TSHR: variants seen among roughly 807,000 people sequenced by gnomAD.
TSHR encodes the protein thyrotropin receptor.
In TSHR, 51 loss-of-function variants were observed where a neutral mutation model predicts 64.1. The ratio of observed to expected loss-of-function variants is 0.80; its 90% CI spans 0.64 to 1.01. The LOEUF is 1.01. Among genes scored for constraint, TSHR ranks in the 50% least tolerant of loss-of-function variants. The pLI, the probability that TSHR is intolerant of heterozygous loss-of-function variation, is 0.00. For synonymous variants in TSHR, 361 were observed against 361.9 expected (o/e 1.00, Z 0.03); for missense variants, 877 against 942.8 (o/e 0.93, Z 0.91).
intron 1 of TSHR, among the ~76,000 whole-genome samples, chr14:80,980,805 G>A (rs1026305845): frequency 2.6e-5 from 4 of 151,854 alleles, no homozygotes. Context: ...TTTCTAATAT[G>A]ATATCTCTCT....
At chr14:81,059,413 C>A (rs1330545870) in intron 1 of TSHR, among the ~76,000 whole-genome samples, 1 of 152,094 alleles carries the variant, frequency 6.6e-6, no homozygotes, top group Non-Finnish European at 1.5e-5. Context: ...TACACAAACT[C>A]AATTGTGTAT....
At chr14:80,997,001 A>G (rs868486994) in intron 1 of TSHR, among the ~76,000 whole-genome samples, 3 of 152,304 alleles carry the variant, frequency 2.0e-5, no homozygotes, top group Admixed American at 1.3e-4. Context: ...TACTACTACT[A>G]CTACCACCAC....
intron 1 of TSHR, among the ~76,000 whole-genome samples, chr14:80,984,797 G>C (rs1468339746): frequency 6.6e-6 from 1 of 152,158 alleles, no homozygotes; most frequent in African/African-American, 2.4e-5. Flanking sequence ...AAAATAGTAG[G>C]TGCCCCAAAC....
chr14:81,141,298 AG>A (rs984078298), intron 9 of TSHR, among the ~76,000 whole-genome samples: 1 of 152,218 alleles, frequency 6.6e-6, no homozygotes, highest in Non-Finnish European at 1.5e-5. Flanking sequence ...AGTGGACCTC[AG>A]GGGCAGGGTC....
Position 81,133,072 on chromosome 14 carries a change from A to G in TSHR, c.693-6607A>G, listed in dbSNP as rs191449320. Among the ~76,000 whole-genome samples the G allele has an allele frequency of 3.9e-5, 6 of 152,352 alleles. No individual in the cohort carries two copies. In the East Asian group the frequency reaches 1.2e-3, roughly 29 times the overall value. ...AACTCCAGAATTGGGAGACTATCAA[A>G]TGTGGCTCAGTACTCAACAAGTATT... is the stretch of plus-strand genomic sequence containing the variant. On this transcript the variant is annotated intron_variant, in intron 8 of 9. Coordinates refer to ENST00000298171, the MANE Select transcript of TSHR (RefSeq NM_000369.5).
chr14:81,126,146 TA>T (rs1891012326), intron 8 of TSHR, among the ~76,000 whole-genome samples: 1 of 152,134 alleles, frequency 6.6e-6, no homozygotes, highest in African/African-American at 2.4e-5. Flanking sequence ...ATTAATACAT[TA>T]AATCACAGCA....
At chr14:81,024,351 C>A (rs916020446) in intron 1 of TSHR, among the ~76,000 whole-genome samples, 1 of 152,046 alleles carries the variant, frequency 6.6e-6, no homozygotes, top group African/African-American at 2.4e-5. Flanking sequence ...CGGGTTCAAG[C>A]GATTCTTCTG....
chr14:81,143,122 T>A lies in TSHR; in HGVS notation c.1064T>A (p.Phe355Tyr). Reference sequence around the variant, plus strand: ...CATAACAACGCTCATTATTACGTCTTCTTTGAAGAACAAGAGGATGAGATC... The same window carrying A: ...CATAACAACGCTCATTATTACGTCTACTTTGAAGAACAAGAGGATGAGATC... Reference protein sequence around the residue: ...DTHNNAHYYVFFEEQEDEIIG... With the variant: ...DTHNNAHYYVYFEEQEDEIIG... Residue 355 changes from phenylalanine (F) to tyrosine (Y), a missense_variant, in exon 10 of 10, where the codon TTC becomes TAC. Physicochemically the swap from Phe to Tyr is conservative, Grantham distance 22 (BLOSUM62 3). Coordinates refer to ENST00000298171, the MANE Select transcript of TSHR (RefSeq NM_000369.5). 6.2e-7 allele frequency: 1 copy of A among 1,614,142 alleles called. No individual in the cohort carries two copies. The highest frequency in any genetic ancestry group is 8.5e-7 in the Non-Finnish European group (1 of 1,180,028).
rs147149121 is a variant in TSHR at position 81,096,923 on chromosome 14, G to GGTGTGTGTGTGTGT, written c.614+233_614+246dup. 1.9e-3 allele frequency among the ~76,000 whole-genome samples: 279 copies of GGTGTGTGTGTGTGT among 148,516 alleles called. 1 individual carries two copies. The highest frequency in any genetic ancestry group is 6.4e-3 in the African/African-American group (258 of 40,240). ...GGTAAGTTCCAAAGCTTTTCTCCCT[G>GGTGTGTGTGTGTGT]GTGTGTGTGTGTGTGTGTGTGTGTG... On this transcript the variant is annotated intron_variant, in intron 7 of 9. Transcript: ENST00000298171.
Position 81,021,571 on chromosome 14 carries a change from T to C in TSHR, c.171-40577T>C, listed in dbSNP as rs111983156. Among the ~76,000 whole-genome samples the C allele has an allele frequency of 4.8e-3, 727 of 152,284 alleles. 6 individuals are homozygous for C. Among genetic ancestry groups the C allele is most frequent in the African/African-American group, 0.015 (620 of 41,560 alleles). ...GAAGTAAATCATGTTCTTTTGCCCC[T>C]AAGGAAATTATGTTACATGGTAGGT... On this transcript the variant is annotated intron_variant, in intron 1 of 9. Coordinates refer to ENST00000298171, the MANE Select transcript of TSHR (RefSeq NM_000369.5).
chr14:81,139,217 C>A (rs539739267), intron 8 of TSHR, among the ~76,000 whole-genome samples: 1 of 152,258 alleles, frequency 6.6e-6, no homozygotes, highest in Admixed American at 6.5e-5. Flanking sequence ...ATCAGATTTT[C>A]ATGATACTGA....
chr14:81,074,196 T>C (rs1425878512), intron 3 of TSHR, among the ~76,000 whole-genome samples: 1 of 152,184 alleles, frequency 6.6e-6, no homozygotes, highest in Non-Finnish European at 1.5e-5. Flanking sequence ...AATTTGCTTA[T>C]ATACTTGAGA....
At chr14:81,052,473 G>C (rs1324308909) in intron 1 of TSHR, 1 of 152,102 alleles carries the variant, frequency 6.6e-6, no homozygotes, top group Non-Finnish European at 1.5e-5. Context: ...TTGCAATCAG[G>C]TAGTTTAACG....
chr14:80,983,237 AT>A, intron 1 of TSHR: 1 of 1,258,224 alleles, frequency 7.9e-7, no homozygotes, highest in Middle Eastern at 2.5e-4. Flanking sequence ...ACACCATGTC[AT>A]TTCCTTTGAA....
At chr14:80,987,718 C>G (rs1353292483) in intron 1 of TSHR, among the ~76,000 whole-genome samples, 1 of 152,118 alleles carries the variant, frequency 6.6e-6, no homozygotes, top group Admixed American at 6.6e-5. Context: ...ATCTTCCTTT[C>G]TTTCCTATAT....
chr14:80,984,935 T>C (rs1888361326), intron 1 of TSHR, among the ~76,000 whole-genome samples: 1 of 152,128 alleles, frequency 6.6e-6, no homozygotes, highest in Admixed American at 6.5e-5. Flanking sequence ...CTGTACATTG[T>C]TTTATATCCT....
Position 81,143,516 on chromosome 14 carries a change from C to T in TSHR, c.1458C>T (p.Ile486=), listed in dbSNP as rs754032045. 8.1e-6 allele frequency: 13 copies of T among 1,613,592 alleles called. No homozygotes were observed. Among genetic ancestry groups the T allele is most frequent in the South Asian group, 3.3e-5 (3 of 91,076 alleles). ...ACTCTGAGTACTACAACCATGCCAT[C>T]GACTGGCAGACAGGCCCTGGGTGCA... The part of the protein sequence containing the change: ...YTHSEYYNHA[I]DWQTGPGCNT... The change falls in exon 10 of 10, where the codon ATC becomes ATT. Residue 486 remains isoleucine, a synonymous_variant. Coordinates refer to ENST00000298171, the MANE Select transcript of TSHR (RefSeq NM_000369.5).
intron 1 of TSHR, among the ~76,000 whole-genome samples, chr14:80,999,512 T>C (rs1889194665): frequency 1.3e-5 from 2 of 152,236 alleles, no homozygotes; most frequent in African/African-American, 4.8e-5. Context: ...ATTTGCTCTT[T>C]CTCTCAGTTT....
At chr14:81,044,025 G>A (rs531567452) in intron 1 of TSHR, among the ~76,000 whole-genome samples, 2 of 152,254 alleles carry the variant, frequency 1.3e-5, no homozygotes, top group Admixed American at 1.3e-4. Context: ...CATATGCACA[G>A]GCAAAGATTT....
Sources: allele counts gnomAD v4.1 joint callset (sites outside exome capture counted in the v4.1 genomes callset), GRCh38; gene constraint gnomAD v4.1.1; transcripts MANE v1.5; gene names NCBI Gene and HGNC (gene_info 2026-07-23, HGNC 2026-07-21).